MCF2L2: variants seen among roughly 807,000 people sequenced by gnomAD.
The protein encoded by MCF2L2 is probable guanine nucleotide exchange factor MCF2L2.
A neutral mutation model predicts 150.2 loss-of-function variants in MCF2L2; 102 were observed. The observed-to-expected ratio is 0.68, with a 90% CI of 0.58 to 0.80. MCF2L2 has a LOEUF of 0.80. Among genes scored for constraint, MCF2L2 ranks in the 30% least tolerant of loss-of-function variants. MCF2L2 has a pLI of 0.00. For synonymous variants in MCF2L2, 465 were observed against 491.3 expected (o/e 0.95, Z 0.71); for missense variants, 1,256 against 1,372.8 (o/e 0.91, Z 1.34).
At chr3:183,366,809 A>C (rs937949127) in intron 3 of MCF2L2, among the ~76,000 whole-genome samples, 2 of 152,240 alleles carry the variant, frequency 1.3e-5, no homozygotes, top group African/African-American at 4.8e-5. Context: ...ACAATCCTGA[A>C]TTATAAGAGC....
chr3:183,343,719 T>C (rs114406754), intron 3 of MCF2L2, among the ~76,000 whole-genome samples: 257 of 152,302 alleles, frequency 1.7e-3, no homozygotes, highest in African/African-American at 6.1e-3. Flanking sequence ...ATGTAAATGT[T>C]ATGTAAACGT....
chr3:183,367,821 G>A (rs1443271050), intron 3 of MCF2L2, among the ~76,000 whole-genome samples: 1 of 152,060 alleles, frequency 6.6e-6, no homozygotes, highest in Non-Finnish European at 1.5e-5. Flanking sequence ...AGTGAGGTGA[G>A]AGAAAGCATC....
intron 1 of MCF2L2, among the ~76,000 whole-genome samples, chr3:183,394,742 A>G (rs1441746348): frequency 2.0e-5 from 3 of 152,236 alleles, no homozygotes; most frequent in African/African-American, 7.2e-5. Flanking sequence ...AAAATGTCCA[A>G]CTTCCTAGTC....
chr3:183,326,362 G>A (rs1291426707), intron 5 of MCF2L2, among the ~76,000 whole-genome samples: 1 of 151,678 alleles, frequency 6.6e-6, no homozygotes, highest in East Asian at 1.9e-4. Flanking sequence ...CATGGTGGTG[G>A]GTGCCTGTAA....
At chr3:183,205,740 C>T in intron 25 of MCF2L2, 136 bp downstream of exon 25, 1 of 662,332 alleles carries the variant, frequency 1.5e-6, no homozygotes, top group Non-Finnish European at 2.7e-6. Context: ...ATAGGTGCTT[C>T]CAGGGACTGT....
intron 15 of MCF2L2, among the ~76,000 whole-genome samples, chr3:183,249,458 A>T (rs183194112): frequency 6.6e-6 from 1 of 152,214 alleles, no homozygotes; most frequent in Admixed American, 6.5e-5. Flanking sequence ...CAGATGGCAC[A>T]TAAGAGATTT....
At chr3:183,233,683 G>A (rs1723669168) in intron 15 of MCF2L2, among the ~76,000 whole-genome samples, 2 of 152,126 alleles carry the variant, frequency 1.3e-5, no homozygotes, top group Admixed American at 1.3e-4. Context: ...TTGGAGAGTG[G>A]TACTGAAAGC....
rs528700171 is a variant in MCF2L2, at chr3:183,181,578, T to C, written c.3017-1419A>G. 6.6e-6 allele frequency among the ~76,000 whole-genome samples: 1 copy of C among 152,264 alleles called. No individual in the cohort carries two copies. The highest frequency in any genetic ancestry group is 1.9e-4 in the East Asian group (1 of 5,178). ...CCAAGACTCCTCTTTAGAGAAGTCATCCAGCCCTGGGGTCCCCTTATGCCA... is the reference window on the plus strand; with the variant it reads ...CCAAGACTCCTCTTTAGAGAAGTCACCCAGCCCTGGGGTCCCCTTATGCCA... On this transcript the variant is annotated intron_variant, in intron 27 of 29. Coordinates refer to ENST00000328913, the MANE Select transcript of MCF2L2 (RefSeq NM_015078.4). The surrounding 1 kb of genome is among the most constrained non-coding windows in gnomAD (Gnocchi z 4.3).
intron 3 of MCF2L2, among the ~76,000 whole-genome samples, chr3:183,348,257 A>G (rs1322896476): frequency 2.0e-5 from 3 of 152,182 alleles, no homozygotes; most frequent in Admixed American, 1.3e-4. Context: ...TTGCAGGGAC[A>G]TGGATGAAGC....
chr3:183,309,740 G>A lies in MCF2L2; in HGVS notation c.1089C>T (p.His363=). The change falls in exon 10 of 30, where the codon CAC becomes CAT. Residue 363 remains histidine (H), a synonymous_variant. Coordinates refer to ENST00000328913, the MANE Select transcript of MCF2L2 (RefSeq NM_015078.4). The part of the protein sequence containing the change: ...VMHVEQILKE[H]KKLEEKSQEP... ...CCTGGCTTTTTTCCTCCAGTTTTTT[G>A]TGTTCCTTAAGAATCTGCTCCACGT... is the stretch of plus-strand genomic sequence containing the variant. 2 of 1,613,820 alleles carry A rather than the reference G, an allele frequency of 1.2e-6. No individual in the cohort carries two copies. The highest frequency in any genetic ancestry group is 1.7e-6 in the Non-Finnish European group (2 of 1,179,968).
intron 16 of MCF2L2, among the ~76,000 whole-genome samples, chr3:183,230,175 G>A (rs148443964): frequency 1.6e-4 from 25 of 152,124 alleles, no homozygotes; most frequent in African/African-American, 4.6e-4. Flanking sequence ...GTGCAATGGC[G>A]TGATCTCGGC....
In MCF2L2 at chr3:183,323,277, C is replaced by A. The variant is rs768338631; in HGVS notation, c.561G>T (p.Gly187=). 36 of 1,613,582 alleles carry A rather than the reference C, an allele frequency of 2.2e-5. No individual in the cohort carries two copies. Among genetic ancestry groups the A allele is most frequent in the Non-Finnish European group, 2.9e-5 (34 of 1,179,570 alleles). Residue 187 remains glycine, a synonymous_variant, in exon 6 of 30, where the codon GGG becomes GGT. Transcript: ENST00000328913. The part of the protein sequence containing the change: ...DKSQLTRELG[G]TLEYRHGQWV... ...ACTGACCGTGGCGATATTCCAAAGT[C>A]CCCCCTAATTCCCGGGTCAGTTGGC...
At chr3:183,265,786 A>G (rs1384773094) in intron 15 of MCF2L2, among the ~76,000 whole-genome samples, 1 of 152,160 alleles carries the variant, frequency 6.6e-6, no homozygotes, top group African/African-American at 2.4e-5. Context: ...CCTTTCCTAA[A>G]TCTTCCCCTT....
At chr3:183,303,415 G>A (rs1268431140) in intron 10 of MCF2L2, among the ~76,000 whole-genome samples, 4 of 152,148 alleles carry the variant, frequency 2.6e-5, no homozygotes, top group African/African-American at 9.7e-5. Context: ...GAGCCCATGA[G>A]CCCCCTTGCC....
At chr3:183,198,429 T>G (rs1722146442) in intron 25 of MCF2L2, among the ~76,000 whole-genome samples, 1 of 150,880 alleles carries the variant, frequency 6.6e-6, no homozygotes, top group African/African-American at 2.5e-5. Flanking sequence ...CTGGGGTGGG[T>G]GAGGGAGGGG....
chr3:183,410,958 C>T (rs1715289210), intron 1 of MCF2L2, among the ~76,000 whole-genome samples: 2 of 152,162 alleles, frequency 1.3e-5, no homozygotes, highest in African/African-American at 2.4e-5. Context: ...TGTCTTAGCT[C>T]CTGACTGTGC....
chr3:183,270,938 G>A lies in MCF2L2; in HGVS notation c.1862+5934C>T. 1 of 1,547,978 alleles carries A rather than the reference G, an allele frequency of 6.5e-7. No individual in the cohort carries two copies. Among genetic ancestry groups the A allele is most frequent in the Non-Finnish European group, 8.7e-7 (1 of 1,152,298 alleles). On this transcript the variant is annotated intron_variant, in intron 15 of 29. Coordinates refer to ENST00000328913, the MANE Select transcript of MCF2L2 (RefSeq NM_015078.4). The surrounding 1 kb of genome is among the most constrained non-coding windows in gnomAD (Gnocchi z 4.5). ...CTTGTAGGGCTGCGTTTATCTAATA[G>A]TACTTGAATGTTGTATGTTTTCACT...
chr3:183,374,605 T>C (rs1218196983), intron 3 of MCF2L2: 1 of 149,118 alleles, frequency 6.7e-6, no homozygotes, highest in African/African-American at 2.5e-5. Context: ...GAGGCGGAGG[T>C]TGCAGTGAGC....
chr3:183,310,767 G>A, intron 9 of MCF2L2, 148 bp downstream of exon 9: 1 of 609,150 alleles, frequency 1.6e-6, no homozygotes, highest in Non-Finnish European at 2.9e-6. Flanking sequence ...AAGGGGGTTG[G>A]AGGGGGTGGT....
Sources: gnomAD v4.1 joint callset for allele counts (sites outside exome capture counted in the v4.1 genomes callset) on GRCh38, gnomAD v4.1.1 for gene constraint, Gnocchi (gnomAD v3.1) non-coding constraint, MANE v1.5 for transcripts, NCBI Gene and HGNC (gene_info 2026-07-23, HGNC 2026-07-21) for gene names.